Variants in FOXN3 observed in about 807,000 individuals in gnomAD.
The protein encoded by FOXN3 is forkhead box N3.
FOXN3 carries 7 observed loss-of-function variants against 38.4 expected under a neutral mutation model. That is an observed-to-expected ratio of 0.18 (90% CI 0.10 to 0.34). The LOEUF (loss-of-function observed/expected upper bound fraction) is 0.34, where lower values mean the gene tolerates loss of function less well. Ranked by LOEUF, FOXN3 falls within the 10% of genes least tolerant of loss-of-function variation. FOXN3 has a pLI of 1.00. For synonymous variants in FOXN3, 230 were observed against 242.2 expected, an observed-to-expected ratio of 0.95 and a Z score of 0.47; for missense variants, 456 against 613.4, an observed-to-expected ratio of 0.74 and a Z score of 2.71.
intron 4 of FOXN3, among the ~76,000 whole-genome samples, chr14:89,192,739 G>A (rs1887991535): frequency 6.9e-6 from 1 of 144,532 alleles, no homozygotes; most frequent in Non-Finnish European, 1.5e-5. Context: ...GTTAATATAT[G>A]TATACTATCA....
Position 89,163,060 on chromosome 14 carries a change from A to G in FOXN3, c.852-91T>C. On this transcript the variant is annotated intron_variant, in intron 5 of 5. Coordinates refer to ENST00000557258, the MANE Select transcript of FOXN3 (RefSeq NM_005197.4). This position sits in a 1 kb window ranked among gnomAD's most constrained non-coding sequence, Gnocchi z 4.3. The stretch of plus-strand genomic sequence containing the variant: ...TGGGGGCACCCGGCAGCCCGCCTGC[A>G]TTCAACCATCAGTCCCTTTGTGTTC... 1 of 1,217,772 alleles carries G rather than the reference A, an allele frequency of 8.2e-7. No homozygotes were observed. The highest frequency in any genetic ancestry group is 1.1e-6 in the Non-Finnish European group (1 of 904,336). 75.4% of individuals were successfully genotyped at this position (1,217,772 alleles called of 1,614,324 possible). A position where few individuals can be genotyped will look rare whatever the true frequency, so the allele number is the denominator to read the frequency against.
rs776092725 is a variant in FOXN3 at position 89,162,744 on chromosome 14, C to T, written c.1077G>A (p.Glu359=). 7 of 1,607,566 alleles carry T rather than the reference C, an allele frequency of 4.4e-6. No individual in the cohort carries two copies. The highest frequency in any genetic ancestry group is 6.0e-6 in the Non-Finnish European group (7 of 1,174,194). ...KGSQEGSEGS[E]GSFRSHESPS... ...GGCTCTCGTGGCTCCGGAAGCTCCC[C>T]TCGCTGCCCTCGCTGCCCTCCTGGC... The change falls in exon 6 of 6, where the codon GAG becomes GAA. Residue 359 remains glutamate, a synonymous_variant. Coordinates refer to ENST00000557258, the MANE Select transcript of FOXN3 (RefSeq NM_005197.4). The surrounding 1 kb of genome is among the most constrained non-coding windows in gnomAD (Gnocchi z 7.2).
intron 1 of FOXN3, among the ~76,000 whole-genome samples, chr14:89,555,882 G>GTGTGTGTGTGTGTGTGTGTGT (rs58769284): frequency 1.6e-4 from 17 of 104,594 alleles, no homozygotes; most frequent in South Asian, 7.5e-4. Flanking sequence ...TGTGTATGTG[G>GTGTGTGTGTGTGTGTGTGTGT]GGGTGTATGT....
intron 4 of FOXN3, among the ~76,000 whole-genome samples, chr14:89,259,920 C>A (rs1483019735): frequency 6.6e-6 from 1 of 152,224 alleles, no homozygotes; most frequent in Non-Finnish European, 1.5e-5. Context: ...CCTCTGGAAT[C>A]CTGACATTCA....
chr14:89,251,767 A>C (rs1048387369), intron 4 of FOXN3, among the ~76,000 whole-genome samples: 4 of 152,256 alleles, frequency 2.6e-5, no homozygotes, highest in Middle Eastern at 3.2e-3. Context: ...TGGATTCATA[A>C]AATCATTACT....
At chr14:89,299,385 G>C (rs2139944502) in intron 3 of FOXN3, among the ~76,000 whole-genome samples, 1 of 152,352 alleles carries the variant, frequency 6.6e-6, no homozygotes, top group East Asian at 1.9e-4. Context: ...ATGTAGAACT[G>C]TGAGTCCATT....
rs1894940879 is a variant in FOXN3 at position 89,548,916 on chromosome 14, C to T, written c.-15+70112G>A. On this transcript the variant is annotated intron_variant, in intron 1 of 6. Transcript: ENST00000345097. This position sits in a 1 kb window ranked among gnomAD's most constrained non-coding sequence, Gnocchi z 4.8. Reference sequence around the variant, plus strand: ...GGTGGATCACCTAAGGTCAGGAGTTCGAGACCAGCCTGATCAATATGGTGA... The same window carrying T: ...GGTGGATCACCTAAGGTCAGGAGTTTGAGACCAGCCTGATCAATATGGTGA... Among the ~76,000 whole-genome samples, 1 of 151,956 alleles carries T rather than the reference C, an allele frequency of 6.6e-6. No homozygotes were observed. The highest frequency in any genetic ancestry group is 2.4e-5 in the African/African-American group (1 of 41,378).
intron 1 of FOXN3, among the ~76,000 whole-genome samples, chr14:89,550,363 G>A (rs1894977688): frequency 6.6e-6 from 1 of 152,152 alleles, no homozygotes. Context: ...GACATTCTGC[G>A]TGAAATAATG....
intron 1 of FOXN3, among the ~76,000 whole-genome samples, chr14:89,511,207 C>CT (rs1894067948): frequency 4.9e-4 from 6 of 12,288 alleles, no homozygotes; most frequent in African/African-American, 8.5e-4. Context: ...TCTTTCTTTT[C>CT]TTTCTTTCTT....
chr14:89,188,069 T>C (rs1887854272), intron 4 of FOXN3, among the ~76,000 whole-genome samples: 1 of 152,150 alleles, frequency 6.6e-6, no homozygotes, highest in African/African-American at 2.4e-5. Context: ...GGAGCCCCGT[T>C]CTTGGCCTGG....
At chr14:89,419,510 A>C (rs943196471), upstream of FOXN3, 8 of 231,524 alleles carry the variant, frequency 3.5e-5, no homozygotes, top group South Asian at 3.2e-4. Flanking sequence ...CTGTTTTACA[A>C]ACACATTTAA....
chr14:89,220,644 G>GTAAAA (rs1432321918), intron 4 of FOXN3, among the ~76,000 whole-genome samples: 1 of 152,142 alleles, frequency 6.6e-6, no homozygotes. Context: ...CATGACTGTG[G>GTAAAA]TAAAGATGTC....
In FOXN3 at chr14:89,505,602, A is replaced by G. The variant is rs371869015; in HGVS notation, c.-14-93112T>C. Reference sequence around the variant, plus strand: ...CTCAATGGTGCCCAGGCTGGAGTGCAGTGGCGTGATCTCGGCTCGCTACAA... The same window carrying G: ...CTCAATGGTGCCCAGGCTGGAGTGCGGTGGCGTGATCTCGGCTCGCTACAA... On this transcript the variant is annotated intron_variant, in intron 1 of 6. Transcript: ENST00000345097. Among the ~76,000 whole-genome samples, 10 of 152,180 alleles carry G rather than the reference A, an allele frequency of 6.6e-5. No individual in the cohort carries two copies. In the South Asian group the frequency reaches 1.9e-3, roughly 28 times the overall value.
intron 1 of FOXN3, among the ~76,000 whole-genome samples, chr14:89,559,245 T>A (rs1296625471): frequency 2.0e-5 from 3 of 152,114 alleles, no homozygotes; most frequent in Non-Finnish European, 4.4e-5. Flanking sequence ...CCAGATGTTG[T>A]GGCATGTGCC....
intron 3 of FOXN3, among the ~76,000 whole-genome samples, chr14:89,350,133 A>C (rs1479407372): frequency 6.6e-6 from 1 of 152,166 alleles, no homozygotes; most frequent in African/African-American, 2.4e-5. Context: ...GTCTCAAACA[A>C]ATGGGCATGT....
chr14:89,314,013 G>A (rs1298062587), intron 3 of FOXN3, among the ~76,000 whole-genome samples: 1 of 152,172 alleles, frequency 6.6e-6, no homozygotes, highest in Non-Finnish European at 1.5e-5. Context: ...GAGAGTATCA[G>A]TTTTGCAGAA....
chr14:89,365,710 T>A (rs1254367424), intron 2 of FOXN3, among the ~76,000 whole-genome samples: 1 of 152,052 alleles, frequency 6.6e-6, no homozygotes, highest in Non-Finnish European at 1.5e-5. Context: ...TTCAAACACA[T>A]GCAAAACACA....
chr14:89,458,437 T>C (rs1043874355), intron 1 of FOXN3, among the ~76,000 whole-genome samples: 1 of 152,202 alleles, frequency 6.6e-6, no homozygotes, highest in Admixed American at 6.5e-5. Flanking sequence ...ATTAGCACAT[T>C]GTGCTCCCTC....
intron 2 of FOXN3, among the ~76,000 whole-genome samples, chr14:89,360,120 C>G (rs1282381521): frequency 6.6e-6 from 1 of 152,148 alleles, no homozygotes; most frequent in Non-Finnish European, 1.5e-5. Context: ...AGTTAATTCC[C>G]CGGGGCCCCT....
Sources: gnomAD v4.1 joint callset for allele counts (sites outside exome capture counted in the v4.1 genomes callset) on GRCh38, gnomAD v4.1.1 for gene constraint, Gnocchi (gnomAD v3.1) non-coding constraint, MANE v1.5 for transcripts, NCBI Gene and HGNC (gene_info 2026-07-23, HGNC 2026-07-21) for gene names.